The following FBN1 variants were observed in gnomAD, a reference collection of about 807,000 sequenced individuals.
FBN1 encodes fibrillin-1.
FBN1 carries 29 observed loss-of-function variants against 365.1 expected under a neutral mutation model. That is an observed-to-expected ratio of 0.08 (90% confidence interval 0.06 to 0.11). The LOEUF (loss-of-function observed/expected upper bound fraction) is 0.11. FBN1 is among the 10% of genes least tolerant of loss of function. FBN1 has a pLI of 1.00. For synonymous variants in FBN1, 1,210 were observed against 1,270.5 expected, an observed-to-expected ratio of 0.95 and a Z score of 1.01; for missense variants, 2,476 against 3,703.2, an observed-to-expected ratio of 0.67 and a Z score of 8.60.
In FBN1 at chr15:48,644,836, T is replaced by C; in HGVS notation, c.-67A>G. The C allele has an allele frequency of 2.0e-6, 3 of 1,521,808 alleles. No homozygotes were observed. Among genetic ancestry groups the C allele is most frequent in the Admixed American group, 2.0e-5 (1 of 50,992 alleles). 94.3% of individuals were successfully genotyped at this position (1,521,808 alleles called of 1,614,324 possible). On this transcript the variant is annotated 5_prime_UTR_variant, in exon 2 of 66. Transcript: ENST00000316623. ...CCGGGGCTCGGTCTGCGGCCGCCGCTGCGCCCTGAAGCGCACCGCGCCGCC... is the reference window on the plus strand; with the variant it reads ...CCGGGGCTCGGTCTGCGGCCGCCGCCGCGCCCTGAAGCGCACCGCGCCGCC...
chr15:48,616,609 T>C (rs1160335037), intron 2 of FBN1, among the ~76,000 whole-genome samples: 2 of 152,190 alleles, frequency 1.3e-5, no homozygotes, highest in East Asian at 1.9e-4. Flanking sequence ...CAATACAAAA[T>C]GCTTGTACAA....
At chr15:48,477,400 T>C (rs569473799) in intron 32 of FBN1, among the ~76,000 whole-genome samples, 1 of 152,298 alleles carries the variant, frequency 6.6e-6, no homozygotes, top group South Asian at 2.1e-4. Flanking sequence ...ATTCTCCATT[T>C]TGTGACTATT....
intron 6 of FBN1, among the ~76,000 whole-genome samples, chr15:48,559,342 G>T (rs146277865): frequency 6.6e-6 from 1 of 152,142 alleles, no homozygotes; most frequent in South Asian, 2.1e-4. Flanking sequence ...CAAGGCTCCA[G>T]GCACTTTCAG....
intron 6 of FBN1, among the ~76,000 whole-genome samples, chr15:48,555,792 T>C (rs1365904864): frequency 6.6e-6 from 1 of 152,182 alleles, no homozygotes; most frequent in Non-Finnish European, 1.5e-5. Flanking sequence ...ACACATTCCT[T>C]AGATGAGCTC....
intron 48 of FBN1, among the ~76,000 whole-genome samples, chr15:48,444,921 T>C (rs986840131): frequency 6.2e-4 from 18 of 28,824 alleles, no homozygotes; most frequent in African/African-American, 3.2e-3. Context: ...GAAAAGTCAG[T>C]GAGTATATAG....
chr15:48,559,199 A>G (rs982784651), intron 6 of FBN1, among the ~76,000 whole-genome samples: 2 of 152,106 alleles, frequency 1.3e-5, no homozygotes, highest in African/African-American at 4.8e-5. Context: ...CATTCTCTCT[A>G]TCTTAGGTAT....
chr15:48,465,834 C>T lies in FBN1; in HGVS notation c.4772G>A (p.Gly1591Glu), dbSNP rs772818208. 2.5e-6 allele frequency: 4 copies of T among 1,613,464 alleles called. No homozygotes were observed. Among genetic ancestry groups the T allele is most frequent in the Non-Finnish European group, 3.4e-6 (4 of 1,179,568 alleles). The part of the protein sequence containing the change: ...NTSEYKILCP[G>E]GEGFRPNPIT... ...AGGATTTGGTCGGAAACCTTCCCCTCCAGGACAAAGAATTTTGTACTCGGC... is the reference window on the plus strand; with the variant it reads ...AGGATTTGGTCGGAAACCTTCCCCTTCAGGACAAAGAATTTTGTACTCGGC... Residue 1591 changes from glycine (G) to glutamate (E), a missense_variant, in exon 39 of 66, where the codon GGA becomes GAA. By Grantham distance (98) the Gly-to-Glu change is moderately conservative. Transcript: ENST00000316623.
intron 56 of FBN1, among the ~76,000 whole-genome samples, chr15:48,429,472 G>A (rs149880575): frequency 2.2e-3 from 338 of 152,288 alleles, no homozygotes; most frequent in Non-Finnish European, 4.3e-3. Flanking sequence ...ATTTGCTGAG[G>A]TGCTTCCCTT....
chr15:48,437,977 T>C (rs370941818), intron 50 of FBN1, 60 bp from the exon 51 acceptor site: 13 of 1,567,886 alleles, frequency 8.3e-6, no homozygotes, highest in African/African-American at 5.4e-5. Flanking sequence ...TATTGCACCA[T>C]AGCAAATAAA....
intron 34 of FBN1, among the ~76,000 whole-genome samples, chr15:48,473,322 T>C (rs1184600084): frequency 6.6e-6 from 1 of 152,240 alleles, no homozygotes; most frequent in African/African-American, 2.4e-5. Context: ...AATGACTTTT[T>C]ATGAACAAAG....
At chr15:48,575,336 T>C (rs1381724904) in intron 6 of FBN1, among the ~76,000 whole-genome samples, 1 of 151,614 alleles carries the variant, frequency 6.6e-6, no homozygotes, top group Non-Finnish European at 1.5e-5. Context: ...TGTATGTATG[T>C]ATGTATGTAT....
At chr15:48,529,520 C>G (rs1046160908) in intron 8 of FBN1, 2 of 152,188 alleles carry the variant, frequency 1.3e-5, no homozygotes, top group African/African-American at 4.8e-5. Flanking sequence ...CAGGCATCAC[C>G]ATCTATTACT....
chr15:48,552,490 T>C (rs2044151080), intron 6 of FBN1, among the ~76,000 whole-genome samples: 1 of 152,012 alleles, frequency 6.6e-6, no homozygotes, highest in Admixed American at 6.5e-5. Context: ...CAGGCTGGTC[T>C]TGAAGTCCTG....
intron 4 of FBN1, 37 bp downstream of exon 4, chr15:48,610,691 T>C (rs761924350): frequency 6.7e-7 from 1 of 1,489,952 alleles, no homozygotes; most frequent in Admixed American, 1.7e-5. Context: ...TATAACCACA[T>C]AAAATAATAT....
intron 20 of FBN1, among the ~76,000 whole-genome samples, 179 bp from the exon 21 acceptor site, chr15:48,495,767 A>C (rs1346476858): frequency 6.6e-6 from 1 of 152,256 alleles, no homozygotes; most frequent in Non-Finnish European, 1.5e-5. Flanking sequence ...ATAGACTAGT[A>C]CATCTCTATA....
intron 9 of FBN1, among the ~76,000 whole-genome samples, chr15:48,523,764 G>C (rs930316858): frequency 6.6e-6 from 1 of 151,782 alleles, no homozygotes; most frequent in South Asian, 2.1e-4. Flanking sequence ...GAGGGTAAGG[G>C]GTGGCTGTAG....
intron 6 of FBN1, among the ~76,000 whole-genome samples, chr15:48,548,894 A>C (rs1448500501): frequency 2.0e-5 from 3 of 152,202 alleles, no homozygotes. Context: ...AATAATTAAA[A>C]TGGAATTTTC....
At chr15:48,464,105 G>C in intron 40 of FBN1, 84 bp from the exon 41 acceptor site, 2 of 1,327,154 alleles carry the variant, frequency 1.5e-6, no homozygotes, top group Non-Finnish European at 2.2e-6. Flanking sequence ...GTTGACATTA[G>C]AGGAGAAAAT....
In FBN1 at chr15:48,463,172, A is replaced by G; in HGVS notation, c.5134T>C (p.Phe1712Leu). The G allele has an allele frequency of 6.2e-7, 1 of 1,614,162 alleles. No homozygotes were observed. The highest frequency in any genetic ancestry group is 8.5e-7 in the Non-Finnish European group (1 of 1,179,968). The stretch of plus-strand genomic sequence containing the variant: ...CAGCACATCTTCTTGGTCATGTTGA[A>G]TAACAATTCTCCATCACAGGTCTGG... ...DNQTCDGELL[F>L]NMTKKMCCCS... The change falls in exon 42 of 66, where the codon TTC becomes CTC. Residue 1712 changes from phenylalanine (F) to leucine (L), a missense_variant. Around this residue, in one of 5 missense-constraint regions of FBN1, gnomAD observed 1,780 missense variants for 2,840.8 expected, o/e 0.63. Transcript: ENST00000316623.
Sources: allele counts gnomAD v4.1 joint callset (sites outside exome capture counted in the v4.1 genomes callset), GRCh38; gene constraint gnomAD v4.1.1; regional missense constraint gnomAD v4.1.1; transcripts MANE v1.5; gene names NCBI Gene and HGNC (gene_info 2026-07-23, HGNC 2026-07-21).